The following RBFOX1 variants were observed in gnomAD, a reference collection of about 807,000 sequenced individuals.
RBFOX1 encodes the protein RNA binding fox-1 homolog 1.
In RBFOX1, 8 loss-of-function variants were observed where a neutral mutation model predicts 57.7. The observed-to-expected ratio is 0.14, with a 90% CI of 0.08 to 0.25. RBFOX1 has a LOEUF of 0.25. Among genes scored for constraint, RBFOX1 ranks in the 10% least tolerant of loss-of-function variants. The pLI is 1.00. For synonymous variants in RBFOX1, 326 were observed against 222.4 expected (o/e 1.47, Z -4.15); for missense variants, 611 against 548.5 (o/e 1.11, Z -1.14).
At chr16:7,284,960 C>T (rs903418627) in intron 4 of RBFOX1, among the ~76,000 whole-genome samples, 1 of 151,978 alleles carries the variant, frequency 6.6e-6, no homozygotes. Context: ...TCCCACCCAC[C>T]TTTCTCCTCG....
chr16:5,779,774 T>C (rs7186704), intron 3 of RBFOX1, among the ~76,000 whole-genome samples: 52,146 of 152,038 alleles, frequency 0.34, 9,838 homozygotes, highest in East Asian at 0.56. Flanking sequence ...TAATGAGGTG[T>C]TGCGGCACAG....
chr16:6,937,269 C>T (rs187323932), intron 3 of RBFOX1, among the ~76,000 whole-genome samples: 6 of 152,130 alleles, frequency 3.9e-5, no homozygotes, highest in Non-Finnish European at 8.8e-5. Context: ...CAATTGCCAA[C>T]TCACGACCAA....
At chr16:5,456,358 T>C (rs1567538600) in intron 1 of RBFOX1, among the ~76,000 whole-genome samples, 1 of 152,214 alleles carries the variant, frequency 6.6e-6, no homozygotes, top group Non-Finnish European at 1.5e-5. Context: ...ACTCGCCTTG[T>C]CTGTCATCAT....
intron 4 of RBFOX1, among the ~76,000 whole-genome samples, chr16:7,420,912 C>CAT (rs572840849): frequency 0.2 from 28,679 of 140,098 alleles, 2,882 homozygotes; most frequent in East Asian, 0.26. Context: ...CATATATATA[C>CAT]ATATATATAT....
intron 3 of RBFOX1, among the ~76,000 whole-genome samples, chr16:6,945,560 C>A (rs1598023812): frequency 6.6e-6 from 1 of 151,822 alleles, no homozygotes; most frequent in Non-Finnish European, 1.5e-5. Context: ...TCATGGGCAA[C>A]CAGTTTGCAT....
chr16:6,831,055 A>G (rs894541169), intron 3 of RBFOX1, among the ~76,000 whole-genome samples: 1 of 152,222 alleles, frequency 6.6e-6, no homozygotes, highest in African/African-American at 2.4e-5. Flanking sequence ...TTTTGCTCTA[A>G]TCAAATGTAC....
At chr16:6,956,124 T>C (rs923958825) in intron 3 of RBFOX1, among the ~76,000 whole-genome samples, 1 of 151,974 alleles carries the variant, frequency 6.6e-6, no homozygotes, top group Non-Finnish European at 1.5e-5. Context: ...GAGGCTGGAG[T>C]TGTAAATGGG....
intron 3 of RBFOX1, among the ~76,000 whole-genome samples, chr16:6,812,256 T>G (rs2088855868): frequency 6.6e-6 from 1 of 152,212 alleles, no homozygotes; most frequent in Admixed American, 6.5e-5. Flanking sequence ...TTAAGAAATT[T>G]GTTCAAAATG....
chr16:5,469,928 T>C (rs1428604245), intron 2 of RBFOX1, among the ~76,000 whole-genome samples: 1 of 152,254 alleles, frequency 6.6e-6, no homozygotes, highest in Middle Eastern at 3.2e-3. Context: ...GTCTACCTTT[T>C]GTCTATTGCA....
At chr16:6,444,734 A>C (rs1207443105) in intron 2 of RBFOX1, among the ~76,000 whole-genome samples, 14 of 152,066 alleles carry the variant, frequency 9.2e-5, no homozygotes, top group Admixed American at 9.2e-4. Context: ...CAAAATGCAG[A>C]GTCTGTGTGG....
chr16:7,689,020 C>T (rs148407482), intron 14 of RBFOX1, among the ~76,000 whole-genome samples: 9 of 152,174 alleles, frequency 5.9e-5, no homozygotes, highest in African/African-American at 2.2e-4. Flanking sequence ...TTCACCTCTA[C>T]CACTTAACAG....
chr16:6,917,514 C>G (rs899858026), intron 3 of RBFOX1, among the ~76,000 whole-genome samples: 1 of 151,580 alleles, frequency 6.6e-6, no homozygotes, highest in South Asian at 2.1e-4. Flanking sequence ...GGTAGAAACA[C>G]TCTGTCCAAA....
At chr16:7,361,259 G>T (rs918258680) in intron 4 of RBFOX1, among the ~76,000 whole-genome samples, 1 of 152,188 alleles carries the variant, frequency 6.6e-6, no homozygotes, top group Non-Finnish European at 1.5e-5. Context: ...TGCACACTTT[G>T]TAGCCATTCC....
intron 3 of RBFOX1, among the ~76,000 whole-genome samples, chr16:6,732,302 C>T (rs10492838): frequency 6.6e-6 from 1 of 152,030 alleles, no homozygotes; most frequent in African/African-American, 2.4e-5. Flanking sequence ...CCAGAATTCA[C>T]CGTCTCGGCC....
intron 4 of RBFOX1, among the ~76,000 whole-genome samples, chr16:7,411,479 A>G (rs767893474): frequency 2.0e-5 from 3 of 152,214 alleles, no homozygotes; most frequent in Middle Eastern, 3.2e-3. Context: ...AATGGGAAGT[A>G]CTGTTTAAAA....
intron 3 of RBFOX1, among the ~76,000 whole-genome samples, chr16:6,744,158 G>C (rs561173770): frequency 6.6e-6 from 1 of 152,156 alleles, no homozygotes; most frequent in African/African-American, 2.4e-5. Context: ...TTTCACAATG[G>C]AAAAGGTGAC....
Position 7,398,228 on chromosome 16 carries a change from A to G in RBFOX1, c.28-119919A>G, listed in dbSNP as rs774853536. Among the ~76,000 whole-genome samples the G allele has an allele frequency of 2.6e-5, 4 of 152,334 alleles. No individual in the cohort carries two copies. In the East Asian group the frequency reaches 7.7e-4, roughly 29 times the overall value. On this transcript the variant is annotated intron_variant, in intron 4 of 15. Coordinates refer to ENST00000550418, the MANE Select transcript of RBFOX1 (RefSeq NM_018723.4). Reference sequence around the variant, plus strand: ...TAAAGCATCAGTATCATTGCCTGACAGCTTATCACAGTGGCAGGAGCATAG... The same window carrying G: ...TAAAGCATCAGTATCATTGCCTGACGGCTTATCACAGTGGCAGGAGCATAG...
chr16:7,224,976 C>G (rs1200535983), intron 4 of RBFOX1, among the ~76,000 whole-genome samples: 2 of 152,150 alleles, frequency 1.3e-5, no homozygotes, highest in Non-Finnish European at 2.9e-5. Context: ...CTTTATTGAG[C>G]CTCTGCTATG....
At chr16:6,706,176 C>A (rs540904622) in intron 3 of RBFOX1, among the ~76,000 whole-genome samples, 1 of 152,256 alleles carries the variant, frequency 6.6e-6, no homozygotes, top group African/African-American at 2.4e-5. Context: ...CTTTTTACTG[C>A]TCCCGTGAAT....
Sources: gnomAD v4.1 joint callset for allele counts (sites outside exome capture counted in the v4.1 genomes callset) on GRCh38, gnomAD v4.1.1 for gene constraint, MANE v1.5 for transcripts, NCBI Gene and HGNC (gene_info 2026-07-23, HGNC 2026-07-21) for gene names.